Variants in URI1 observed in about 807,000 individuals in gnomAD.
The protein encoded by URI1 is unconventional prefoldin RPB5 interactor 1.
Under a neutral mutation model 60.2 loss-of-function variants are expected in URI1, and 39 were observed. The observed-to-expected ratio is 0.65, with a 90% CI of 0.50 to 0.85. The LOEUF (loss-of-function observed/expected upper bound fraction) is 0.85. Among genes scored for constraint, URI1 ranks in the 40% least tolerant of loss-of-function variants. The pLI, the probability that URI1 is intolerant of heterozygous loss-of-function variation, is 0.00. For synonymous variants in URI1, 251 were observed against 236.8 expected (o/e 1.06, Z -0.55); for missense variants, 691 against 665.9 (o/e 1.04, Z -0.42).
intron 1 of URI1, among the ~76,000 whole-genome samples, chr19:29,924,846 A>T (rs2054852277): frequency 6.6e-6 from 1 of 151,862 alleles, no homozygotes; most frequent in African/African-American, 2.4e-5. Flanking sequence ...TTAATTTTTA[A>T]TTTTTTTTAG....
chr19:29,985,634 TA>T (rs2055659128), intron 3 of URI1, among the ~76,000 whole-genome samples: 3 of 151,914 alleles, frequency 2.0e-5, no homozygotes, highest in African/African-American at 7.2e-5. Context: ...GAATAGGCCA[TA>T]ATGTTTTGTA....
chr19:29,945,383 T>A (rs335031), intron 1 of URI1, among the ~76,000 whole-genome samples: 151 of 152,298 alleles, frequency 9.9e-4, no homozygotes, highest in African/African-American at 3.3e-3. Context: ...CTCTCTCTCT[T>A]TTTTTCTTGT....
chr19:30,009,375 C>T (rs761215061), intron 8 of URI1, 22 bp downstream of exon 8: 10 of 1,574,204 alleles, frequency 6.4e-6, no homozygotes, highest in African/African-American at 2.7e-5. Context: ...TTTAACTTTA[C>T]TAATTTTGCA....
intron 1 of URI1, among the ~76,000 whole-genome samples, chr19:29,957,542 A>G (rs2055265069): frequency 6.6e-6 from 1 of 152,130 alleles, no homozygotes; most frequent in South Asian, 2.1e-4. Context: ...TTTTAGCTTT[A>G]TAATAGGTCT....
At chr19:29,978,334 A>G (rs1304221923) in intron 2 of URI1, among the ~76,000 whole-genome samples, 4 of 152,148 alleles carry the variant, frequency 2.6e-5, no homozygotes, top group African/African-American at 9.7e-5. Context: ...TCCAGTGTCA[A>G]TATGGTTTGG....
intron 2 of URI1, among the ~76,000 whole-genome samples, chr19:29,983,699 C>T (rs2055626075): frequency 6.6e-6 from 1 of 152,188 alleles, no homozygotes; most frequent in South Asian, 2.1e-4. Context: ...GAAACCCAGT[C>T]TCCAGAGAAA....
At chr19:29,976,073 T>C (rs571729267) in intron 2 of URI1, among the ~76,000 whole-genome samples, 1 of 152,308 alleles carries the variant, frequency 6.6e-6, no homozygotes, top group South Asian at 2.1e-4. Context: ...GTCAGACATT[T>C]AACTTTTAGG....
chr19:29,963,839 C>A (rs1479064974), intron 1 of URI1, among the ~76,000 whole-genome samples: 1 of 152,172 alleles, frequency 6.6e-6, no homozygotes, highest in African/African-American at 2.4e-5. Flanking sequence ...CTGGTTTCTT[C>A]AGGCTTTCAT....
intron 1 of URI1, among the ~76,000 whole-genome samples, chr19:29,924,321 C>G (rs1599640492): frequency 6.6e-6 from 1 of 152,160 alleles, no homozygotes; most frequent in Non-Finnish European, 1.5e-5. Flanking sequence ...TCACAAACAC[C>G]TGGGTGCTTG....
intron 1 of URI1, among the ~76,000 whole-genome samples, chr19:29,924,021 G>A (rs2054844409): frequency 6.6e-6 from 1 of 152,154 alleles, no homozygotes; most frequent in Non-Finnish European, 1.5e-5. Context: ...GAAGTTCTGA[G>A]AACCAGGAGC....
chr19:29,965,154 GTCTT>G, intron 1 of URI1, among the ~76,000 whole-genome samples: 1 of 152,232 alleles, frequency 6.6e-6, no homozygotes. Context: ...TCCTATAGTG[GTCTT>G]TCTTTTAGGA....
intron 1 of URI1, among the ~76,000 whole-genome samples, chr19:29,933,050 C>T (rs760724844): frequency 2.0e-4 from 30 of 152,100 alleles, no homozygotes; most frequent in Non-Finnish European, 2.8e-4. Flanking sequence ...CTGCCAAATT[C>T]GTTAGTATTT....
rs1258928839 is a variant in URI1, at chr19:29,993,661, C to T, written c.367+7244C>T. Among the ~76,000 whole-genome samples the T allele has an allele frequency of 4.6e-5, 7 of 151,810 alleles. No individual in the cohort carries two copies. The East Asian group carries it at 1.2e-3, about 25-fold the overall frequency. Reference sequence around the variant, plus strand: ...TGCATCAGGTCATTCACAAGATGGGCTTTTTTAAAAATTATTTTTTTAGTA... The same window carrying T: ...TGCATCAGGTCATTCACAAGATGGGTTTTTTTAAAAATTATTTTTTTAGTA... On this transcript the variant is annotated intron_variant, in intron 4 of 10. Coordinates refer to ENST00000392271, the MANE Select transcript of URI1 (RefSeq NM_003796.3).
chr19:29,924,947 T>G (rs974549005), intron 1 of URI1, among the ~76,000 whole-genome samples: 4 of 152,240 alleles, frequency 2.6e-5, no homozygotes, highest in African/African-American at 9.6e-5. Context: ...GTGGTTCTCC[T>G]GCCTCAGCCT....
chr19:29,974,014 A>G (rs2055491099), intron 2 of URI1, among the ~76,000 whole-genome samples: 1 of 152,044 alleles, frequency 6.6e-6, no homozygotes, highest in South Asian at 2.1e-4. Context: ...GTGGCTGATT[A>G]TTTTGTTTGT....
chr19:29,934,428 A>G (rs1459382933), intron 1 of URI1, among the ~76,000 whole-genome samples: 2 of 152,236 alleles, frequency 1.3e-5, no homozygotes, highest in Non-Finnish European at 2.9e-5. Context: ...TCAAGGTGTC[A>G]GCAGGGTTGA....
Position 30,005,721 on chromosome 19 carries a change from A to G in URI1, c.517+13A>G. 1 of 1,607,506 alleles carries G rather than the reference A, an allele frequency of 6.2e-7. No individual in the cohort carries two copies. Among genetic ancestry groups the G allele is most frequent in the Non-Finnish European group, 8.5e-7 (1 of 1,177,080 alleles). On this transcript the variant is annotated intron_variant, in intron 6 of 10. Coordinates refer to ENST00000392271, the MANE Select transcript of URI1 (RefSeq NM_003796.3). Reference sequence around the variant, plus strand: ...TTCGAATTTAAAGGTAAGCAGTAAGATTGTTTTATGTGTAGCTGTTTAGAT... The same window carrying G: ...TTCGAATTTAAAGGTAAGCAGTAAGGTTGTTTTATGTGTAGCTGTTTAGAT...
At chr19:30,004,741 A>G (rs2055918856) in intron 4 of URI1, among the ~76,000 whole-genome samples, 1 of 152,054 alleles carries the variant, frequency 6.6e-6, no homozygotes, top group Admixed American at 6.6e-5. Context: ...TACTTGTTGC[A>G]TTTGTCCAGT....
At chr19:29,945,114 G>A (rs532554770) in intron 1 of URI1, among the ~76,000 whole-genome samples, 1 of 152,314 alleles carries the variant, frequency 6.6e-6, no homozygotes, top group Non-Finnish European at 1.5e-5. Context: ...GGTTTTGTGA[G>A]ACAGAGTTAA....
Sources: gnomAD v4.1 joint callset for allele counts (sites outside exome capture counted in the v4.1 genomes callset) on GRCh38, gnomAD v4.1.1 for gene constraint, MANE v1.5 for transcripts, NCBI Gene and HGNC (gene_info 2026-07-23, HGNC 2026-07-21) for gene names.